The following FOCAD variants were observed in gnomAD, a reference collection of about 807,000 sequenced individuals.
FOCAD encodes focadhesin, also known as KIAA1797.
In FOCAD, 198 loss-of-function variants were observed where a neutral mutation model predicts 225.6. The observed-to-expected ratio is 0.88, with a 90% CI of 0.78 to 0.99. The LOEUF (loss-of-function observed/expected upper bound fraction) is 0.99, where lower values mean the gene tolerates loss of function less well. FOCAD is among the 50% of genes least tolerant of loss of function. FOCAD has a pLI of 0.00. For synonymous variants in FOCAD, 897 were observed against 755.0 expected (o/e 1.19, Z -3.08); for missense variants, 2,713 against 2,123.6 (o/e 1.28, Z -5.46).
chr9:20,941,742 G>T (rs1836676350), intron 28 of FOCAD, among the ~76,000 whole-genome samples: 4 of 152,176 alleles, frequency 2.6e-5, no homozygotes, highest in Non-Finnish European at 5.9e-5. Flanking sequence ...CCAAAGTTCA[G>T]TTTCATACCC....
upstream of FOCAD, among the ~76,000 whole-genome samples, chr9:20,656,886 AT>A (rs1249332324): frequency 6.6e-6 from 1 of 151,716 alleles, no homozygotes; most frequent in African/African-American, 2.4e-5. Context: ...TGGTCTTTAT[AT>A]TTTGGCATGA....
chr9:20,780,859 G>C (rs1476433057), intron 9 of FOCAD, among the ~76,000 whole-genome samples: 5 of 152,270 alleles, frequency 3.3e-5, no homozygotes, highest in African/African-American at 9.6e-5. Context: ...TAAATTAGTA[G>C]TGTTAGAGTA....
Position 20,783,058 on chromosome 9 carries a change from A to G in FOCAD, c.1197+1129A>G, listed in dbSNP as rs541411113. Among the ~76,000 whole-genome samples, 8 of 152,320 alleles carry G rather than the reference A, an allele frequency of 5.3e-5. No homozygotes were observed. The South Asian group carries it at 1.0e-3, about 20-fold the overall frequency. ...CCTCTTGGTTTGCCCATGTAGAACA[A>G]TGATTGGATCTTGAATGGGAGTGGG... On this transcript the variant is annotated intron_variant, in intron 10 of 43. Transcript: ENST00000338382.
chr9:20,740,958 G>C (rs934997619), intron 5 of FOCAD, among the ~76,000 whole-genome samples: 2 of 152,150 alleles, frequency 1.3e-5, no homozygotes, highest in African/African-American at 4.8e-5. Flanking sequence ...TGCCTTGAAG[G>C]ACCCAGGAAG....
chr9:20,967,129 G>C (rs1839334466), intron 35 of FOCAD, among the ~76,000 whole-genome samples: 1 of 152,068 alleles, frequency 6.6e-6, no homozygotes, highest in South Asian at 2.1e-4. Flanking sequence ...TATAATCTTA[G>C]AATATTCAGT....
Position 20,758,210 on chromosome 9 carries a change from G to A in FOCAD, c.494+19G>A, listed in dbSNP as rs1165911053. ...CTGAAAGGTAATGTAAAATAAAAGT[G>A]TAAAATAAAGTGAGGGAGACAGAAT... is the stretch of plus-strand genomic sequence containing the variant. On this transcript the variant is annotated intron_variant, in intron 6 of 43. Transcript: ENST00000338382. 1.6e-5 allele frequency: 25 copies of A among 1,562,866 alleles called. No individual in the cohort carries two copies. Among genetic ancestry groups the A allele is most frequent in the Non-Finnish European group, 2.1e-5 (24 of 1,139,912 alleles).
At chr9:20,693,330 C>T (rs528943902) in intron 1 of FOCAD, among the ~76,000 whole-genome samples, 37 of 152,194 alleles carry the variant, frequency 2.4e-4, no homozygotes, top group Non-Finnish European at 4.0e-4. Context: ...TACTCGAGTA[C>T]TTCCTCAGCC....
At chr9:20,804,452 G>C (rs1238091473) in intron 11 of FOCAD, among the ~76,000 whole-genome samples, 1 of 152,008 alleles carries the variant, frequency 6.6e-6, no homozygotes, top group African/African-American at 2.4e-5. Context: ...GCTGAGGAAA[G>C]TCCTGGAATC....
chr9:20,789,641 A>C (rs1206199782), intron 11 of FOCAD, 33 bp downstream of exon 11: 1 of 1,607,730 alleles, frequency 6.2e-7, no homozygotes, highest in South Asian at 1.1e-5. Context: ...CAATAATGAG[A>C]GGAAAGCTTA....
chr9:20,793,878 G>A (rs1820793337), intron 11 of FOCAD, among the ~76,000 whole-genome samples: 1 of 152,158 alleles, frequency 6.6e-6, no homozygotes, highest in Admixed American at 6.5e-5. Flanking sequence ...ACCATTGCCA[G>A]AACAAAATTT....
upstream of FOCAD, among the ~76,000 whole-genome samples, chr9:20,682,971 G>A (rs1822447905): frequency 6.6e-6 from 1 of 152,094 alleles, no homozygotes. Flanking sequence ...AGTAGAGATG[G>A]GGTTTCACCA....
At chr9:20,771,977 C>A (rs895845970) in intron 8 of FOCAD, among the ~76,000 whole-genome samples, 1 of 152,122 alleles carries the variant, frequency 6.6e-6, no homozygotes, top group Non-Finnish European at 1.5e-5. Flanking sequence ...ACCTTAATGA[C>A]TTCCTTACTC....
chr9:20,925,285 TC>T (rs1241356670), intron 25 of FOCAD, among the ~76,000 whole-genome samples: 1 of 152,184 alleles, frequency 6.6e-6, no homozygotes, highest in African/African-American at 2.4e-5. Context: ...AATGCCCCTT[TC>T]TATGATCCCT....
chr9:20,907,845 C>T lies in FOCAD; in HGVS notation c.2718+603C>T, dbSNP rs1266740355. Among the ~76,000 whole-genome samples the T allele has an allele frequency of 4.3e-4, 66 of 152,076 alleles. 1 individual carries two copies. Among genetic ancestry groups the T allele is most frequent in the Non-Finnish European group, 7.4e-5 (5 of 68,012 alleles). Reference sequence around the variant, plus strand: ...GTCAGGCACTATGTGCCTTACTTCTCTCCCCACTGGATTATATGCCCTTCT... The same window carrying T: ...GTCAGGCACTATGTGCCTTACTTCTTTCCCCACTGGATTATATGCCCTTCT... On this transcript the variant is annotated intron_variant, in intron 22 of 43. Coordinates refer to ENST00000338382, the MANE Select transcript of FOCAD (RefSeq NM_001375567.1).
intron 21 of FOCAD, among the ~76,000 whole-genome samples, chr9:20,898,825 T>C (rs1184215823): frequency 1.3e-5 from 2 of 151,970 alleles, no homozygotes; most frequent in Non-Finnish European, 2.9e-5. Context: ...TAAAAGGAAA[T>C]AAAGTAAATA....
chr9:20,787,620 A>G (rs1820055511), intron 10 of FOCAD, among the ~76,000 whole-genome samples: 1 of 152,050 alleles, frequency 6.6e-6, no homozygotes, highest in South Asian at 2.1e-4. Flanking sequence ...AAATAGTAAT[A>G]TATTCAAATG....
chr9:20,751,618 A>C (rs1395454282), intron 5 of FOCAD, among the ~76,000 whole-genome samples: 2 of 139,180 alleles, frequency 1.4e-5, no homozygotes, highest in Non-Finnish European at 3.2e-5. Flanking sequence ...CAATAAACAT[A>C]TGTGTGCCTG....
At chr9:20,898,070 C>G (rs1032119727) in intron 21 of FOCAD, among the ~76,000 whole-genome samples, 2 of 151,746 alleles carry the variant, frequency 1.3e-5, no homozygotes, top group African/African-American at 2.4e-5. Flanking sequence ...TCTCTTCTTG[C>G]TTGCATGTTT....
intron 27 of FOCAD, among the ~76,000 whole-genome samples, chr9:20,930,099 G>C (rs1039380213): frequency 6.6e-6 from 1 of 151,978 alleles, no homozygotes; most frequent in Admixed American, 6.6e-5. Context: ...CTGTGCCCTG[G>C]CCACATTTTT....
Sources: allele counts gnomAD v4.1 joint callset (sites outside exome capture counted in the v4.1 genomes callset), GRCh38; gene constraint gnomAD v4.1.1; transcripts MANE v1.5; gene names NCBI Gene and HGNC (gene_info 2026-07-23, HGNC 2026-07-21).